The following GTF2I variants were observed in gnomAD, a reference collection of about 807,000 sequenced individuals.
GTF2I encodes the protein general transcription factor II-I.
GTF2I carries 12 observed loss-of-function variants against 67.6 expected under a neutral mutation model. That is an observed-to-expected ratio of 0.18 (90% confidence interval 0.11 to 0.29). The LOEUF is 0.29. Among genes scored for constraint, GTF2I ranks in the 10% least tolerant of loss-of-function variants. The pLI, the probability that GTF2I is intolerant of heterozygous loss-of-function variation, is 1.00. For missense variants in GTF2I, 271 were observed against 580.1 expected (o/e 0.47, Z 5.47); for synonymous variants, 149 against 197.0 (o/e 0.76, Z 2.04).
At chr7:74,749,884 A>G (rs781933875) in intron 26 of GTF2I, among the ~76,000 whole-genome samples, 29,957 of 134,342 alleles carry the variant, frequency 0.22, 8 homozygotes, top group African/African-American at 0.34. Context: ...GCAAAACTCC[A>G]TCTCAAAAAC....
At chr7:74,685,088 G>C (rs1441976561) in intron 1 of GTF2I, among the ~76,000 whole-genome samples, 1 of 152,200 alleles carries the variant, frequency 6.6e-6, no homozygotes, top group East Asian at 1.9e-4. Flanking sequence ...CAGTCTGATT[G>C]GTTGTGAAAA....
At chr7:74,695,298 A>G (rs1158323726) in intron 3 of GTF2I, among the ~76,000 whole-genome samples, 1 of 152,154 alleles carries the variant, frequency 6.6e-6, no homozygotes, top group Non-Finnish European at 1.5e-5. Context: ...GTTTTGGAGG[A>G]TTGACTCCAA....
intron 9 of GTF2I, among the ~76,000 whole-genome samples, chr7:74,713,982 G>A (rs1283863103): frequency 2.0e-5 from 3 of 152,052 alleles, no homozygotes; most frequent in African/African-American, 7.2e-5. Context: ...GTAATGTGTA[G>A]TGTGGTGCAT....
intron 8 of GTF2I, among the ~76,000 whole-genome samples, chr7:74,708,237 A>G (rs968760240): frequency 6.6e-6 from 1 of 152,216 alleles, no homozygotes; most frequent in Non-Finnish European, 1.5e-5. Flanking sequence ...CAGGAGGTAG[A>G]GGTTACATTG....
chr7:74,713,195 A>G (rs1791838005), intron 9 of GTF2I, among the ~76,000 whole-genome samples: 1 of 152,250 alleles, frequency 6.6e-6, no homozygotes, highest in Non-Finnish European at 1.5e-5. Context: ...ATAGTTTAGC[A>G]ATATTGGAAG....
intron 6 of GTF2I, among the ~76,000 whole-genome samples, chr7:74,701,664 T>C (rs782089032): frequency 6.6e-6 from 1 of 152,108 alleles, no homozygotes; most frequent in South Asian, 2.1e-4. Flanking sequence ...AGATGGGGTT[T>C]CACCATGTTA....
intron 1 of GTF2I, among the ~76,000 whole-genome samples, chr7:74,688,561 A>C (rs150300171): frequency 0.035 from 5,289 of 152,214 alleles, 142 homozygotes; most frequent in Middle Eastern, 0.089. Flanking sequence ...GGTTCAAGCA[A>C]TTCTCCTGCC....
chr7:74,686,249 A>C (rs782261271), intron 1 of GTF2I, among the ~76,000 whole-genome samples: 1 of 152,122 alleles, frequency 6.6e-6, no homozygotes, highest in Non-Finnish European at 1.5e-5. Context: ...TTTGTTACTT[A>C]GGTGTGAAAA....
intron 8 of GTF2I, among the ~76,000 whole-genome samples, chr7:74,710,518 T>G (rs962643653): frequency 6.6e-6 from 1 of 152,208 alleles, no homozygotes; most frequent in African/African-American, 2.4e-5. Context: ...CTTCAAATCA[T>G]CTGTCCTAAT....
intron 1 of GTF2I, among the ~76,000 whole-genome samples, chr7:74,680,099 A>AAAAAAAAAAAATATATATATATATATAT: frequency 1.1e-5 from 1 of 95,000 alleles, no homozygotes; most frequent in African/African-American, 4.0e-5. Context: ...AAAAAAAAAA[A>AAAAAAAAAAAATATATATATATATATAT]ATATATATAT....
At chr7:74,704,116 TGTG>T (rs1790233380) in intron 6 of GTF2I, among the ~76,000 whole-genome samples, 1 of 152,146 alleles carries the variant, frequency 6.6e-6, no homozygotes, top group East Asian at 1.9e-4. Context: ...GACATCACCT[TGTG>T]ATATTAGTAG....
At chr7:74,694,903 G>A (rs1554398012) in intron 3 of GTF2I, among the ~76,000 whole-genome samples, 1 of 152,098 alleles carries the variant, frequency 6.6e-6, no homozygotes, top group Non-Finnish European at 1.5e-5. Flanking sequence ...AAATCCTGGG[G>A]TCCTGAAGAG....
At position 74,716,915 on chromosome 7, in the gene GTF2I, G is replaced by T. The variant is rs781919341; in HGVS notation, c.845G>T (p.Gly282Val). Residue 282 changes from glycine to valine, a missense_variant, in exon 11 of 35, where the codon GGC becomes GTC. Physicochemically the swap from Gly to Val is moderately radical, Grantham distance 109. Coordinates refer to ENST00000573035, the MANE Select transcript of GTF2I (RefSeq NM_032999.4). ...PLQGSHHSSEGNEGTEMEVPA... is the reference protein window; with the variant it reads ...PLQGSHHSSEVNEGTEMEVPA... ...TTAGGAAGCCACCATTCTTCAGAGG[G>T]CAATGAAGGCACAGAAATGGAAGTA... 1.3e-5 allele frequency: 21 copies of T among 1,606,758 alleles called. No individual in the cohort carries two copies. The highest frequency in any genetic ancestry group is 2.7e-5 in the African/African-American group (2 of 74,698).
At chr7:74,670,905 A>G (rs1456166631) in intron 1 of GTF2I, among the ~76,000 whole-genome samples, 1 of 152,058 alleles carries the variant, frequency 6.6e-6, no homozygotes, top group African/African-American at 2.4e-5. Flanking sequence ...TATCAATTTA[A>G]AAGTATAATT....
chr7:74,697,878 C>G (rs1342147824), intron 3 of GTF2I, among the ~76,000 whole-genome samples: 1 of 152,106 alleles, frequency 6.6e-6, no homozygotes, highest in Non-Finnish European at 1.5e-5. Flanking sequence ...AAGCAATTCT[C>G]CTGCCTCAGC....
At chr7:74,714,478 CAAAT>C (rs1792007212) in intron 9 of GTF2I, among the ~76,000 whole-genome samples, 1 of 152,014 alleles carries the variant, frequency 6.6e-6, no homozygotes, top group South Asian at 2.1e-4. Flanking sequence ...AAAGAAGAAA[CAAAT>C]AAACCTGTGA....
intron 8 of GTF2I, among the ~76,000 whole-genome samples, chr7:74,708,957 C>T (rs1263590766): frequency 1.3e-5 from 2 of 152,222 alleles, no homozygotes; most frequent in Non-Finnish European, 2.9e-5. Context: ...CCAGCAGTCA[C>T]ACCCATCGCT....
chr7:74,717,175 T>A, intron 11 of GTF2I: 1 of 417,560 alleles, frequency 2.4e-6, no homozygotes, highest in Non-Finnish European at 4.1e-6. Context: ...AAGTGGTAAG[T>A]AAAGCTCTTA....
At chr7:74,690,031 T>C (rs1432856117) in intron 2 of GTF2I, among the ~76,000 whole-genome samples, 1 of 152,020 alleles carries the variant, frequency 6.6e-6, no homozygotes, top group Non-Finnish European at 1.5e-5. Context: ...CTGGCCAACA[T>C]TGTGAAACCC....
Sources: allele counts gnomAD v4.1 joint callset (sites outside exome capture counted in the v4.1 genomes callset), GRCh38; gene constraint gnomAD v4.1.1; transcripts MANE v1.5; gene names NCBI Gene and HGNC (gene_info 2026-07-23, HGNC 2026-07-21).